SYNDIG1: variants seen among roughly 807,000 people sequenced by gnomAD.
The protein encoded by SYNDIG1 is synapse differentiation inducing 1.
A neutral mutation model predicts 19.4 loss-of-function variants in SYNDIG1; 9 were observed. The observed-to-expected ratio is 0.46, with a 90% CI of 0.28 to 0.81. The LOEUF is 0.81. Ranked by LOEUF, SYNDIG1 falls within the 30% of genes least tolerant of loss-of-function variation. The probability of loss-of-function intolerance (pLI) is 0.12; values close to 1 mark genes in which losing one functional copy is unlikely to be tolerated. For missense variants in SYNDIG1, 311 were observed against 343.3 expected, an observed-to-expected ratio of 0.91 and a Z score of 0.74; for synonymous variants, 141 against 145.9, an observed-to-expected ratio of 0.97 and a Z score of 0.24.
At chr20:24,579,664 G>A (rs773256778) in intron 2 of SYNDIG1, among the ~76,000 whole-genome samples, 11 of 152,180 alleles carry the variant, frequency 7.2e-5, no homozygotes, top group Non-Finnish European at 1.5e-4. Context: ...GTGTACTTGT[G>A]AGCACTTTAA....
At chr20:24,643,834 T>C (rs913757887) in intron 3 of SYNDIG1, among the ~76,000 whole-genome samples, 2 of 152,186 alleles carry the variant, frequency 1.3e-5, no homozygotes, top group African/African-American at 4.8e-5. Flanking sequence ...AAATACAGCT[T>C]TGTGGAAAGA....
chr20:24,566,556 G>A (rs1427767541), intron 2 of SYNDIG1, among the ~76,000 whole-genome samples: 1 of 152,124 alleles, frequency 6.6e-6, no homozygotes, highest in Non-Finnish European at 1.5e-5. Flanking sequence ...AGCTTGTTGT[G>A]TGAAGGGCTG....
Position 24,666,092 on chromosome 20 carries a change from A to C in SYNDIG1, c.*588A>C, listed in dbSNP as rs1600850446. On this transcript the variant is annotated 3_prime_UTR_variant, in exon 4 of 4. Coordinates refer to ENST00000376862, the MANE Select transcript of SYNDIG1 (RefSeq NM_024893.3). ...AGAAGCAGAGCCAGCAAAGCCCGGGACCTGCCCCTCTTTCTTTCCCTTCAC... is the reference window on the plus strand; with the variant it reads ...AGAAGCAGAGCCAGCAAAGCCCGGGCCCTGCCCCTCTTTCTTTCCCTTCAC... 1 of 153,222 alleles carries C rather than the reference A, an allele frequency of 6.5e-6. No homozygotes were observed. Among genetic ancestry groups the C allele is most frequent in the South Asian group, 2.1e-4 (1 of 4,870 alleles). 9.5% of individuals were successfully genotyped at this position (153,222 alleles called of 1,614,324 possible).
intron 2 of SYNDIG1, among the ~76,000 whole-genome samples, chr20:24,572,754 G>T (rs2146950633): frequency 6.6e-6 from 1 of 152,318 alleles, no homozygotes; most frequent in Non-Finnish European, 1.5e-5. Flanking sequence ...TCAAAAGGTT[G>T]TATACTGTAT....
chr20:24,604,190 A>G (rs987069245), intron 3 of SYNDIG1, among the ~76,000 whole-genome samples: 1 of 152,022 alleles, frequency 6.6e-6, no homozygotes, highest in Non-Finnish European at 1.5e-5. Flanking sequence ...CGGATTCCAC[A>G]CACTCGATGG....
chr20:24,648,433 T>C (rs1209334210), intron 3 of SYNDIG1, among the ~76,000 whole-genome samples: 2 of 152,354 alleles, frequency 1.3e-5, no homozygotes, highest in South Asian at 2.1e-4. Context: ...CACTTGACTA[T>C]AGAGTAAGTT....
intron 3 of SYNDIG1, among the ~76,000 whole-genome samples, chr20:24,600,595 A>C (rs1600718319): frequency 6.9e-6 from 1 of 145,954 alleles, no homozygotes; most frequent in Non-Finnish European, 1.5e-5. Flanking sequence ...TCATGTCTTC[A>C]TCTTTCTTTC....
At chr20:24,475,457 C>T (rs911330297) in intron 1 of SYNDIG1, among the ~76,000 whole-genome samples, 1 of 152,220 alleles carries the variant, frequency 6.6e-6, no homozygotes, top group Non-Finnish European at 1.5e-5. Context: ...GAAACCTTGT[C>T]CTTATGGGTC....
At chr20:24,475,858 A>T (rs1338949800) in intron 1 of SYNDIG1, among the ~76,000 whole-genome samples, 1 of 151,296 alleles carries the variant, frequency 6.6e-6, no homozygotes, top group Non-Finnish European at 1.5e-5. Flanking sequence ...TAATGTGCAT[A>T]GTATCTTTTT....
chr20:24,528,194 T>C (rs986892669), intron 1 of SYNDIG1, among the ~76,000 whole-genome samples: 3 of 152,258 alleles, frequency 2.0e-5, no homozygotes, highest in Admixed American at 2.0e-4. Flanking sequence ...AGTTTGTCCA[T>C]TGACTTTTAA....
chr20:24,603,118 G>T (rs2058703098), intron 3 of SYNDIG1, among the ~76,000 whole-genome samples: 1 of 152,152 alleles, frequency 6.6e-6, no homozygotes, highest in Non-Finnish European at 1.5e-5. Context: ...CATTGTAGGT[G>T]CTCATTTAAA....
intron 1 of SYNDIG1, among the ~76,000 whole-genome samples, chr20:24,532,510 T>A (rs942379572): frequency 1.3e-5 from 2 of 152,218 alleles, no homozygotes; most frequent in Admixed American, 6.5e-5. Context: ...TGGAATCAGA[T>A]AGTGATGAGG....
At chr20:24,553,601 T>C (rs536851770) in intron 2 of SYNDIG1, among the ~76,000 whole-genome samples, 1 of 152,368 alleles carries the variant, frequency 6.6e-6, no homozygotes, top group Non-Finnish European at 1.5e-5. Context: ...CTCAGGTTTG[T>C]CAAAGATCAG....
chr20:24,546,163 A>G (rs555744949), intron 2 of SYNDIG1, among the ~76,000 whole-genome samples: 3 of 152,334 alleles, frequency 2.0e-5, no homozygotes, highest in Admixed American at 6.5e-5. Context: ...TCTCAGAAAC[A>G]TTCTTACAGT....
chr20:24,627,138 GGAGAGGGAGAGGGAGAGC>G (rs1357088515), intron 3 of SYNDIG1, among the ~76,000 whole-genome samples: 2 of 146,984 alleles, frequency 1.4e-5, no homozygotes, highest in African/African-American at 5.2e-5. Context: ...AGAGGGAGAG[GGAGAGGGAGAGGGAGAGC>G]GAGAGCGAGA....
intron 3 of SYNDIG1, among the ~76,000 whole-genome samples, chr20:24,634,951 G>T (rs2059300602): frequency 6.6e-6 from 1 of 152,226 alleles, no homozygotes; most frequent in African/African-American, 2.4e-5. Context: ...AGAAGACAGA[G>T]CCTGCACTAG....
chr20:24,579,344 C>T, intron 2 of SYNDIG1, among the ~76,000 whole-genome samples: 1 of 152,184 alleles, frequency 6.6e-6, no homozygotes, highest in Non-Finnish European at 1.5e-5. Context: ...CTGCAGAGTC[C>T]TCTGGTGAGG....
At chr20:24,648,735 G>C (rs544357853) in intron 3 of SYNDIG1, among the ~76,000 whole-genome samples, 1 of 152,176 alleles carries the variant, frequency 6.6e-6, no homozygotes, top group Admixed American at 6.5e-5. Flanking sequence ...TGTTAGAAAC[G>C]AGTGCCCAAG....
chr20:24,527,295 T>G (rs1205582908), intron 1 of SYNDIG1, among the ~76,000 whole-genome samples: 1 of 152,252 alleles, frequency 6.6e-6, no homozygotes, highest in Non-Finnish European at 1.5e-5. Flanking sequence ...ATTCCATATC[T>G]TCCGTTGTGT....
Sources: gnomAD v4.1 joint callset for allele counts (sites outside exome capture counted in the v4.1 genomes callset) on GRCh38, gnomAD v4.1.1 for gene constraint, MANE v1.5 for transcripts, NCBI Gene and HGNC (gene_info 2026-07-23, HGNC 2026-07-21) for gene names.